Variants in TUBB8B observed in about 807,000 individuals in gnomAD.
TUBB8B encodes HSA18p11 beta-tubulin 4Q pseudogene.
A neutral mutation model predicts 31.9 loss-of-function variants in TUBB8B; 26 were observed. That is an observed-to-expected ratio of 0.81 (90% CI 0.60 to 1.13). TUBB8B has a LOEUF of 1.13. Ranked by LOEUF, TUBB8B falls within the 50% of genes most tolerant of loss-of-function variation. TUBB8B has a pLI of 0.00. For synonymous variants in TUBB8B, 173 were observed against 231.0 expected (o/e 0.75, Z 2.28); for missense variants, 467 against 586.7 (o/e 0.80, Z 2.11).
At chr18:63,400 G>C in the TUBB8B span, among the ~76,000 whole-genome samples, 1 of 151,756 alleles carries the variant, frequency 6.6e-6, no homozygotes. Context: ...GATTTATCAA[G>C]TAGAGATTCT....
the TUBB8B span, among the ~76,000 whole-genome samples, chr18:64,596 G>A: frequency 5.3e-5 from 8 of 151,890 alleles, no homozygotes; most frequent in African/African-American, 1.5e-4. Context: ...ATGTTGGCAC[G>A]TGCCTGTGTT....
rs11874906 is a variant in TUBB8B at position 47,766 on chromosome 18, C to A, written c.959G>T (p.Arg320Leu). ...YLTVAAIFRG[R>L]MPMREVDEQM... ...TTCATCCACCTCCCTCATGGGCATG[C>A]GACCCCTGAAAATGGCAGCCACCGT... Residue 320 changes from arginine (R) to leucine (L), a missense_variant, in exon 4 of 4, where the codon CGC becomes CTC. Around this residue, in one of 2 missense-constraint regions of TUBB8B, gnomAD observed 208 missense variants for 206.7 expected, o/e 1.01. Transcript: ENST00000308911. 65 of 1,611,330 alleles carry A rather than the reference C, an allele frequency of 4.0e-5. 2 individuals carry two copies. The African/African-American group carries it at 7.2e-4, about 18-fold the overall frequency.
At chr18:57,478 A>G in the TUBB8B span, among the ~76,000 whole-genome samples, 1 of 151,856 alleles carries the variant, frequency 6.6e-6, no homozygotes, top group African/African-American at 2.4e-5. Flanking sequence ...TCCCATTTCC[A>G]GGGCACACTA....
chr18:53,267 T>G, upstream of TUBB8B, among the ~76,000 whole-genome samples: 1 of 151,848 alleles, frequency 6.6e-6, no homozygotes, highest in Non-Finnish European at 1.5e-5. Context: ...AAGGAGAAAA[T>G]GTATTTCTCA....
the TUBB8B span, among the ~76,000 whole-genome samples, chr18:69,590 T>A: frequency 7.9e-5 from 12 of 152,342 alleles, no homozygotes; most frequent in Non-Finnish European, 8.8e-5. Flanking sequence ...TCAATTTCTA[T>A]TACTGGAGAG....
chr18:55,098 G>A, the TUBB8B span, among the ~76,000 whole-genome samples: 1 of 148,288 alleles, frequency 6.7e-6, no homozygotes, highest in Non-Finnish European at 1.5e-5. Flanking sequence ...CTGAGACTGG[G>A]TTATTTATCT....
In TUBB8B at chr18:48,248, G is replaced by A. The variant is rs771728480; in HGVS notation, c.477C>T (p.Tyr159=). ...TLLISKIREE[Y]PDRIINTFSI... is the part of the protein sequence containing the mutation. Reference sequence around the variant, plus strand: ...TGAATGTGTTTATGATCCTGTCTGGGTACTCCTCCCGGATCTTACTAATGA... The same window carrying A: ...TGAATGTGTTTATGATCCTGTCTGGATACTCCTCCCGGATCTTACTAATGA... The change falls in exon 4 of 4, where the codon TAC becomes TAT. Residue 159 remains tyrosine, a synonymous_variant. Transcript: ENST00000308911. The A allele has an allele frequency of 7.4e-6, 12 of 1,612,450 alleles. No homozygotes were observed. The South Asian group carries it at 1.2e-4, about 16-fold the overall frequency.
At position 48,270 on chromosome 18, in the gene TUBB8B, A is replaced by G. The variant is rs763213400; in HGVS notation, c.455T>C (p.Ile152Thr). The stretch of plus-strand genomic sequence containing the variant: ...TGGGTACTCCTCCCGGATCTTACTA[A>G]TGAGAAGGGTACCCATCCCAGACCC... ...GTGSGMGTLL[I>T]SKIREEYPDR... Residue 152 changes from isoleucine to threonine, a missense_variant, in exon 4 of 4, where the codon ATT becomes ACT. By Grantham distance (89) the Ile-to-Thr change is moderately conservative (BLOSUM62 -1). Around this residue, in one of 2 missense-constraint regions of TUBB8B, gnomAD observed 259 missense variants for 380.1 expected, o/e 0.68. Coordinates refer to ENST00000308911, the MANE Select transcript of TUBB8B (RefSeq NM_001358689.2). 34 of 1,612,592 alleles carry G rather than the reference A, an allele frequency of 2.1e-5. No individual in the cohort carries two copies. The highest frequency in any genetic ancestry group is 2.8e-5 in the Non-Finnish European group (33 of 1,178,974).
chr18:60,869 A>T, the TUBB8B span, among the ~76,000 whole-genome samples: 28,248 of 151,366 alleles, frequency 0.19, 3,335 homozygotes, highest in African/African-American at 0.29. Flanking sequence ...GACTTGTTAC[A>T]TAATATATGG....
the TUBB8B span, among the ~76,000 whole-genome samples, chr18:63,474 C>G: frequency 6.6e-6 from 1 of 151,664 alleles, no homozygotes; most frequent in East Asian, 1.9e-4. Context: ...CCATGTGGAG[C>G]TGGAGTTGGG....
the TUBB8B span, among the ~76,000 whole-genome samples, chr18:63,669 GCCCTAA>G: frequency 2.9e-4 from 42 of 143,948 alleles, no homozygotes; most frequent in Middle Eastern, 3.7e-3. Flanking sequence ...CCTAGCCTTA[GCCCTAA>G]CCCTAACCCT....
intron 1 of TUBB8B, 120 bp from the exon 2 acceptor site, chr18:49,357 G>T: frequency 1.7e-6 from 1 of 605,264 alleles, no homozygotes; most frequent in South Asian, 1.8e-5. Flanking sequence ...GTCCACCCCA[G>T]CCGCCTCGCC....
the TUBB8B span, among the ~76,000 whole-genome samples, chr18:63,477 G>C: frequency 3.3e-5 from 5 of 150,984 alleles, no homozygotes; most frequent in African/African-American, 1.2e-4. Context: ...TGTGGAGCTG[G>C]AGTTGGGGTA....
chr18:47,784 G>A lies in TUBB8B; in HGVS notation c.941C>T (p.Ala314Val). 6.2e-7 allele frequency: 1 copy of A among 1,611,630 alleles called. No individual in the cohort carries two copies. Among genetic ancestry groups the A allele is most frequent in the Non-Finnish European group, 8.5e-7 (1 of 1,179,510 alleles). Residue 314 changes from alanine to valine, a missense_variant, in exon 4 of 4, where the codon GCT becomes GTT. Transcript: ENST00000308911. ...DPRHGCYLTV[A>V]AIFRGRMPMR... ...GGGCATGCGACCCCTGAAAATGGCAGCCACCGTTAGGTAGCAGCCGTGACG... is the reference window on the plus strand; with the variant it reads ...GGGCATGCGACCCCTGAAAATGGCAACCACCGTTAGGTAGCAGCCGTGACG...
At chr18:49,890 G>A, upstream of TUBB8B, 1 of 516,418 alleles carries the variant, frequency 1.9e-6, no homozygotes, top group Non-Finnish European at 3.7e-6. Context: ...CCATGTGGGA[G>A]GGGAAGACGC....
the TUBB8B span, among the ~76,000 whole-genome samples, chr18:69,327 G>A: frequency 2.6e-5 from 4 of 152,298 alleles, no homozygotes; most frequent in South Asian, 4.1e-4. Context: ...AGCTGAGCAC[G>A]GTTGTATATA....
chr18:72,177 C>CAAAAAAAAAAAAAAAAAAAAAAAAAAA, the TUBB8B span, among the ~76,000 whole-genome samples: 4 of 78,768 alleles, frequency 5.1e-5, no homozygotes, highest in African/African-American at 1.1e-4. Context: ...GACTCCATCT[C>CAAAAAAAAAAAAAAAAAAAAAAAAAAA]AAAAAAAAAA....
Position 47,738 on chromosome 18 carries a change from T to G in TUBB8B, c.987A>C (p.Gln329His). ...GRMPMREVDE[Q>H]MFNIQDKNSS... ...TGTTCTTATCTTGAATGTTGAACATTTGTTCATCCACCTCCCTCATGGGCA... is the reference window on the plus strand; with the variant it reads ...TGTTCTTATCTTGAATGTTGAACATGTGTTCATCCACCTCCCTCATGGGCA... The change falls in exon 4 of 4, where the codon CAA becomes CAC. Residue 329 changes from glutamine (Q) to histidine (H), a missense_variant. Gln to His is a conservative substitution (Grantham distance 24). This residue lies in a region of TUBB8B where 208 missense variants were observed against 206.7 expected (regional missense o/e 1.01). Transcript: ENST00000308911. 1 of 1,387,052 alleles carries G rather than the reference T, an allele frequency of 7.2e-7. No individual in the cohort carries two copies. The highest frequency in any genetic ancestry group is 9.9e-7 in the Non-Finnish European group (1 of 1,012,714). 85.9% of individuals were successfully genotyped at this position (1,387,052 alleles called of 1,614,324 possible). A position where few individuals can be genotyped will look rare whatever the true frequency, so the allele number is the denominator to read the frequency against.
At chr18:49,315 C>A in intron 1 of TUBB8B, 78 bp from the exon 2 acceptor site, 1 of 1,292,798 alleles carries the variant, frequency 7.7e-7, no homozygotes, top group African/African-American at 1.5e-5. Context: ...CCCCCACCCG[C>A]ACCCCCATCC....
Sources: gnomAD v4.1 joint callset for allele counts (sites outside exome capture counted in the v4.1 genomes callset) on GRCh38, gnomAD v4.1.1 for gene constraint, gnomAD v4.1.1 regional missense constraint, MANE v1.5 for transcripts, NCBI Gene and HGNC (gene_info 2026-07-23, HGNC 2026-07-21) for gene names.